Variants in ANKEF1 observed in about 807,000 individuals in gnomAD.
The protein encoded by ANKEF1 is ankyrin repeat and EF-hand domain-containing protein 1.
A neutral mutation model predicts 65.1 loss-of-function variants in ANKEF1; 43 were observed. The ratio of observed to expected loss-of-function variants is 0.66; its 90% CI spans 0.52 to 0.85. ANKEF1 has a LOEUF of 0.85. Ranked by LOEUF, ANKEF1 falls within the 40% of genes least tolerant of loss-of-function variation. The probability of loss-of-function intolerance (pLI) is 0.00; values close to 1 mark genes in which losing one functional copy is unlikely to be tolerated. For missense variants in ANKEF1, 934 were observed against 952.9 expected (o/e 0.98, Z 0.26); for synonymous variants, 316 against 341.5 (o/e 0.93, Z 0.82).
chr20:10,044,222 T>C (rs1984370574), intron 4 of ANKEF1, among the ~76,000 whole-genome samples, 172 bp from the exon 5 acceptor site: 1 of 152,192 alleles, frequency 6.6e-6, no homozygotes, highest in Non-Finnish European at 1.5e-5. Context: ...TACTGACCCA[T>C]TGTACTTGCT....
intron 3 of ANKEF1, among the ~76,000 whole-genome samples, chr20:10,040,244 G>T (rs928361662): frequency 6.6e-5 from 10 of 152,166 alleles, no homozygotes; most frequent in African/African-American, 2.4e-4. Flanking sequence ...CATCAACAAG[G>T]CTCACTCAGC....
rs201638588 is a variant in ANKEF1 at position 10,045,700 on chromosome 20, A to G, written c.820+3A>G. The G allele has an allele frequency of 8.5e-4, 1,370 of 1,613,364 alleles. 13 individuals are homozygous for G. The highest frequency in any genetic ancestry group is 7.8e-3 in the South Asian group (708 of 91,024). On this transcript the variant is annotated splice_donor_region_variant and intron_variant, in intron 6 of 10. Coordinates refer to ENST00000378392, the MANE Select transcript of ANKEF1 (RefSeq NM_022096.6). Reference sequence around the variant, plus strand: ...CTGTAAATATATAGCTCAGCGAGGTAAAATTGTCTAGCAATTTTGTGCTTC... The same window carrying G: ...CTGTAAATATATAGCTCAGCGAGGTGAAATTGTCTAGCAATTTTGTGCTTC...
rs1216948664 is a variant in ANKEF1, at chr20:10,050,205, G to C, written c.1636G>C (p.Glu546Gln). 2.5e-6 allele frequency: 4 copies of C among 1,603,968 alleles called. No homozygotes were observed. In the Admixed American group the frequency reaches 6.9e-5, roughly 27 times the overall value. The change falls in exon 7 of 11, where the codon GAA (glutamate) becomes CAA (glutamine). Residue 546 changes from glutamate to glutamine, a missense_variant. Coordinates refer to ENST00000378392, the MANE Select transcript of ANKEF1 (RefSeq NM_022096.6). ...GNIDVVKFLL[E>Q]KGANVNATDN... The stretch of plus-strand genomic sequence containing the variant: ...CATAGATGTGGTCAAGTTTCTTCTT[G>C]AAAAAGGGTACGCGTCTCCGTCGGG...
chr20:10,038,478 T>C lies in ANKEF1; in HGVS notation c.177T>C (p.Asn59=), dbSNP rs1322376391. Residue 59 remains asparagine, a synonymous_variant, in exon 3 of 11, where the codon AAT becomes AAC. Transcript: ENST00000378392. ...LSALHLASVS[N]DIDMVSFLLD... is the part of the protein sequence containing the mutation. ...CTTTGCACTTAGCCTCAGTTTCCAA[T>C]GATATTGATATGGTCAGCTTTCTCC... 6 of 1,614,096 alleles carry C rather than the reference T, an allele frequency of 3.7e-6. No individual in the cohort carries two copies. The highest frequency in any genetic ancestry group is 4.2e-6 in the Non-Finnish European group (5 of 1,180,050).
intron 6 of ANKEF1, among the ~76,000 whole-genome samples, chr20:10,047,190 A>T (rs75656043): frequency 0.013 from 2,045 of 152,362 alleles, 40 homozygotes; most frequent in African/African-American, 0.046. Flanking sequence ...AAGCACATTG[A>T]GAAGCCAAGG....
rs777080365 is a variant in ANKEF1 at position 10,055,531 on chromosome 20, G to C, written c.2202G>C (p.Glu734Asp). 14 of 1,613,622 alleles carry C rather than the reference G, an allele frequency of 8.7e-6. No homozygotes were observed. Among genetic ancestry groups the C allele is most frequent in the Non-Finnish European group, 1.2e-5 (14 of 1,179,794 alleles). The change falls in exon 11 of 11, where the codon GAG (glutamate) becomes GAC (aspartate). Residue 734 changes from glutamate to aspartate, a missense_variant. By Grantham distance (45) the Glu-to-Asp change is conservative. Transcript: ENST00000378392. ...RIWSPEATTA[E>D]LIRKRELRRE... ...GGAGTCCTGAAGCCACAACAGCAGA[G>C]CTGATCAGGAAGAGGGAACTACGGC...
chr20:10,044,661 G>A, intron 5 of ANKEF1, 118 bp downstream of exon 5: 1 of 887,862 alleles, frequency 1.1e-6, no homozygotes, highest in Non-Finnish European at 1.6e-6. Context: ...AGTTACCTAT[G>A]TTGTTTTCAT....
At position 10,055,801 on chromosome 20, in the gene ANKEF1, T is replaced by C; in HGVS notation, c.*141T>C. The C allele has an allele frequency of 1.3e-6, 1 of 740,972 alleles. No individual in the cohort carries two copies. Among genetic ancestry groups the C allele is most frequent in the Non-Finnish European group, 2.2e-6 (1 of 457,066 alleles). The allele number at this position is 740,972 out of a possible 1,614,324, so 45.9% of individuals were successfully genotyped here. ...GAATTTCTTTTTGCTTTAACAACTA[T>C]AAATATTCTTAGCTGTCTAGAGAAA... On this transcript the variant is annotated 3_prime_UTR_variant, in exon 11 of 11. Transcript: ENST00000378392.
In ANKEF1 at chr20:10,049,611, G is replaced by A. The variant is rs201932590; in HGVS notation, c.1042G>A (p.Asp348Asn). 1 of 1,614,146 alleles carries A rather than the reference G, an allele frequency of 6.2e-7. No homozygotes were observed. The change falls in exon 7 of 11, where the codon GAC (aspartate) becomes AAC (asparagine). Residue 348 changes from aspartate (D) to asparagine (N), a missense_variant. Coordinates refer to ENST00000378392, the MANE Select transcript of ANKEF1 (RefSeq NM_022096.6). ...AFLREAFAVLDRGDGSISKND... is the reference protein window; with the variant it reads ...AFLREAFAVLNRGDGSISKND... ...CCTCCGGGAAGCCTTTGCGGTTTTAGACAGGGGTGATGGAAGCATCAGCAA... is the reference window on the plus strand; with the variant it reads ...CCTCCGGGAAGCCTTTGCGGTTTTAAACAGGGGTGATGGAAGCATCAGCAA...
At chr20:10,045,988 G>A (rs1282978211) in intron 6 of ANKEF1, among the ~76,000 whole-genome samples, 1 of 152,118 alleles carries the variant, frequency 6.6e-6, no homozygotes, top group Admixed American at 6.6e-5. Flanking sequence ...TTATGGTTGA[G>A]GGCGGGGTGT....
chr20:10,050,027 T>C lies in ANKEF1; in HGVS notation c.1458T>C (p.Ile486=), dbSNP rs1309287061. 1.2e-6 allele frequency: 2 copies of C among 1,614,012 alleles called. No individual in the cohort carries two copies. Among genetic ancestry groups the C allele is most frequent in the African/African-American group, 2.7e-5 (2 of 74,908 alleles). Residue 486 remains isoleucine, a synonymous_variant, in exon 7 of 11, where the codon ATT becomes ATC. Coordinates refer to ENST00000378392, the MANE Select transcript of ANKEF1 (RefSeq NM_022096.6). The part of the protein sequence containing the change: ...HPIQDDSVWY[I]DDSEKVFSNI... The stretch of plus-strand genomic sequence containing the variant: ...TTCAGGATGACTCTGTTTGGTACAT[T>C]GATGATTCAGAGAAGGTATTTTCAA...
intron 3 of ANKEF1, chr20:10,040,593 C>T (rs1396943904): frequency 1.3e-5 from 2 of 152,186 alleles, no homozygotes; most frequent in Non-Finnish European, 2.9e-5. Context: ...TTATAGCACC[C>T]ATTCCCATTC....
rs1476201331 is a variant in ANKEF1 at position 10,044,435 on chromosome 20, G to T, written c.588G>T (p.Gly196=). ...RTALMEASRE[G]VVEIVRGILE... ...CTTTAATGGAAGCGTCAAGAGAAGG[G>T]GTAGTGGAAATAGTTCGAGGCATAT... Residue 196 remains glycine, a synonymous_variant, in exon 5 of 11, where the codon GGG becomes GGT. Transcript: ENST00000378392. The T allele has an allele frequency of 3.1e-6, 5 of 1,614,100 alleles. No individual in the cohort carries two copies. Among genetic ancestry groups the T allele is most frequent in the Non-Finnish European group, 4.2e-6 (5 of 1,179,980 alleles).
intron 7 of ANKEF1, 84 bp from the exon 8 acceptor site, chr20:10,051,579 C>T: frequency 9.5e-7 from 1 of 1,052,426 alleles, no homozygotes; most frequent in East Asian, 2.5e-5. Flanking sequence ...CTTGATAGAA[C>T]TCTATGAAAT....
In ANKEF1 at chr20:10,057,600, G is replaced by A. The variant is rs1985244156; in HGVS notation, c.*1940G>A. The A allele has an allele frequency of 2.0e-5, 3 of 152,278 alleles. No individual in the cohort carries two copies. In the South Asian group the frequency reaches 6.2e-4, roughly 32 times the overall value. The allele number at this position is 152,278 out of a possible 1,614,324, so 9.4% of individuals were successfully genotyped here. ...TCTGTGTGTCCGTTGAAGACATGAT[G>A]AAGACATGATGTTCTTCACATGATG... On this transcript the variant is annotated 3_prime_UTR_variant, in exon 11 of 11. Coordinates refer to ENST00000378392, the MANE Select transcript of ANKEF1 (RefSeq NM_022096.6).
intron 6 of ANKEF1, 46 bp from the exon 7 acceptor site, chr20:10,049,344 C>CAAAT (rs1984695777): frequency 6.6e-7 from 1 of 1,516,098 alleles, no homozygotes; most frequent in African/African-American, 1.4e-5. Flanking sequence ...TATAGCCATG[C>CAAAT]AAATGCCTTG....
intron 2 of ANKEF1, among the ~76,000 whole-genome samples, chr20:10,036,083 T>G (rs1218139422): frequency 1.3e-5 from 2 of 152,192 alleles, no homozygotes; most frequent in Non-Finnish European, 2.9e-5. Flanking sequence ...GGGTGAGCTC[T>G]TGGTCAGTCT....
At chr20:10,045,531 G>T in intron 5 of ANKEF1, 43 bp from the exon 6 acceptor site, 1 of 1,597,890 alleles carries the variant, frequency 6.3e-7, no homozygotes. Flanking sequence ...TATAGTAAAT[G>T]TACATTCCTA....
At chr20:10,054,739 G>A in intron 10 of ANKEF1, 140 bp downstream of exon 10, 2 of 859,836 alleles carry the variant, frequency 2.3e-6, no homozygotes, top group Non-Finnish European at 1.7e-6. Context: ...CTTTTGCCAG[G>A]TTCTGGTACT....
Sources: allele counts gnomAD v4.1 joint callset (sites outside exome capture counted in the v4.1 genomes callset), GRCh38; gene constraint gnomAD v4.1.1; transcripts MANE v1.5; gene names NCBI Gene and HGNC (gene_info 2026-07-23, HGNC 2026-07-21).